Variants in CYTH4 observed in about 807,000 individuals in gnomAD.
The protein encoded by CYTH4 is cytohesin 4.
CYTH4 carries 22 observed loss-of-function variants against 57.5 expected under a neutral mutation model. The observed-to-expected ratio is 0.38, with a 90% CI of 0.27 to 0.55. The LOEUF is 0.55. CYTH4 is among the 20% of genes least tolerant of loss of function. CYTH4 has a pLI of 0.74. For missense variants in CYTH4, 420 were observed against 535.6 expected (o/e 0.78, Z 2.13); for synonymous variants, 186 against 206.5 (o/e 0.90, Z 0.85).
chr22:37,291,177 C>A (rs762667999), intron 1 of CYTH4, among the ~76,000 whole-genome samples: 10 of 152,078 alleles, frequency 6.6e-5, no homozygotes, highest in African/African-American at 2.2e-4. Flanking sequence ...TAACAGCAAC[C>A]GAAACATTCT....
At chr22:37,285,556 A>G (rs1272754404) in intron 1 of CYTH4, among the ~76,000 whole-genome samples, 1 of 151,904 alleles carries the variant, frequency 6.6e-6, no homozygotes, top group Non-Finnish European at 1.5e-5. Flanking sequence ...AAAATACAAA[A>G]AAAAATTAGC....
Position 37,292,617 on chromosome 22 carries a change from G to C in CYTH4, c.20-4G>C. On this transcript the variant is annotated splice_region_variant and splice_polypyrimidine_tract_variant and intron_variant, in intron 1 of 12. Transcript: ENST00000248901. ...GATGGGGAAGGCCGGTTGTCTCTCT[G>C]TAGAGCCCGCGGAGCTGAGCAGCGG... 1 of 1,613,696 alleles carries C rather than the reference G, an allele frequency of 6.2e-7. No homozygotes were observed.
intron 8 of CYTH4, among the ~76,000 whole-genome samples, chr22:37,306,445 C>A (rs1331775661): frequency 6.6e-6 from 1 of 152,192 alleles, no homozygotes; most frequent in Non-Finnish European, 1.5e-5. Context: ...GGACACTGAG[C>A]TCCATGAGAG....
intron 1 of CYTH4, among the ~76,000 whole-genome samples, chr22:37,290,660 C>A (rs922514299): frequency 6.6e-6 from 1 of 152,174 alleles, no homozygotes; most frequent in Non-Finnish European, 1.5e-5. Context: ...AGGTGCCCAC[C>A]ACCATGCCTG....
In CYTH4 at chr22:37,313,893, G is replaced by A. The variant is rs1056015677; in HGVS notation, c.*382G>A. 8.6e-5 allele frequency: 23 copies of A among 268,240 alleles called. 2 individuals are homozygous for A. The highest frequency in any genetic ancestry group is 4.8e-4 in the South Asian group (7 of 14,652). The allele number at this position is 268,240 out of a possible 1,614,324, so 16.6% of individuals were successfully genotyped here. A position where few individuals can be genotyped will look rare whatever the true frequency, so the allele number is the denominator to read the frequency against. The stretch of plus-strand genomic sequence containing the variant: ...CACTTAGATGCTGTCAGCCCTCAAC[G>A]TAGGAGGGGCCGTGGGGTCCCTAAG... On this transcript the variant is annotated 3_prime_UTR_variant, in exon 13 of 13. Transcript: ENST00000248901.
rs190113405 is a variant in CYTH4, at chr22:37,287,772, G to A, written c.20-4849G>A. 6.6e-5 allele frequency among the ~76,000 whole-genome samples: 10 copies of A among 152,348 alleles called. No individual in the cohort carries two copies. The East Asian group carries it at 1.5e-3, about 24-fold the overall frequency. On this transcript the variant is annotated intron_variant, in intron 1 of 12. Transcript: ENST00000248901. ...CCACTTCCTGTGAATGAGACCTGGG[G>A]CGAGTCACTTCGCCTTCCTAAGCCT... is the stretch of plus-strand genomic sequence containing the variant.
In CYTH4 at chr22:37,303,143, C is replaced by A. The variant is rs145579353; in HGVS notation, c.548-111C>A. ...GGCCTCAAAGCCCAAGCCAGGAGGA[C>A]AAGGTGGACCTTCGGGGCCTTGCAA... On this transcript the variant is annotated intron_variant, in intron 7 of 12. Coordinates refer to ENST00000248901, the MANE Select transcript of CYTH4 (RefSeq NM_013385.5). 843 of 1,452,410 alleles carry A rather than the reference C, an allele frequency of 5.8e-4. 3 individuals are homozygous for A. The African/African-American group carries it at 0.014, about 24-fold the overall frequency. 90.0% of individuals were successfully genotyped at this position (1,452,410 alleles called of 1,614,324 possible).
intron 3 of CYTH4, 38 bp downstream of exon 3, chr22:37,294,762 G>A (rs763491889): frequency 6.2e-7 from 1 of 1,611,806 alleles, no homozygotes; most frequent in Non-Finnish European, 8.5e-7. Flanking sequence ...AAACTGCCAT[G>A]GTTGCTTCCC....
chr22:37,299,172 G>A lies in CYTH4; in HGVS notation c.354-54G>A, dbSNP rs1323991504. On this transcript the variant is annotated intron_variant, in intron 5 of 12. Coordinates refer to ENST00000248901, the MANE Select transcript of CYTH4 (RefSeq NM_013385.5). ...CCACCTCAACCCCCTCCAGGAGGTG[G>A]GTGCCAGCAAGTATCCAAGTGTGTC... is the stretch of plus-strand genomic sequence containing the variant. 4.2e-6 allele frequency: 6 copies of A among 1,423,074 alleles called. No homozygotes were observed. The African/African-American group carries it at 8.6e-5, about 20-fold the overall frequency. The allele number at this position is 1,423,074 out of a possible 1,614,324, so 88.2% of individuals were successfully genotyped here.
chr22:37,290,152 C>A (rs1334272134), intron 1 of CYTH4, among the ~76,000 whole-genome samples: 2 of 152,140 alleles, frequency 1.3e-5, no homozygotes, highest in African/African-American at 2.4e-5. Flanking sequence ...ATCAAGCAGA[C>A]CCCTAGTGAG....
intron 12 of CYTH4, 147 bp from the exon 13 acceptor site, chr22:37,313,292 C>A (rs2145874036): frequency 2.7e-6 from 2 of 751,058 alleles, no homozygotes; most frequent in East Asian, 5.2e-5. Context: ...CCTGGCACAG[C>A]CTTTGTTGGG....
At chr22:37,286,895 G>A (rs996381667) in intron 1 of CYTH4, among the ~76,000 whole-genome samples, 4 of 152,148 alleles carry the variant, frequency 2.6e-5, no homozygotes, top group Admixed American at 6.5e-5. Flanking sequence ...GGAGGCATCC[G>A]AAAGCCCTGA....
intron 1 of CYTH4, among the ~76,000 whole-genome samples, chr22:37,287,714 G>A (rs1177990728): frequency 6.6e-6 from 1 of 152,148 alleles, no homozygotes; most frequent in Non-Finnish European, 1.5e-5. Flanking sequence ...GAGGCGTGGG[G>A]GTCAGCAAAC....
intron 4 of CYTH4, 104 bp from the exon 5 acceptor site, chr22:37,297,460 T>C: frequency 1.0e-6 from 1 of 996,922 alleles, no homozygotes; most frequent in Non-Finnish European, 1.5e-6. Flanking sequence ...AACACCAGAA[T>C]GCCAGGCTCC....
At chr22:37,301,162 C>A in intron 7 of CYTH4, 143 bp downstream of exon 7, 1 of 656,700 alleles carries the variant, frequency 1.5e-6, no homozygotes, top group Non-Finnish European at 2.6e-6. Flanking sequence ...TGAGCACTGA[C>A]TTCATTGCTG....
chr22:37,303,418 C>CCCA lies in CYTH4; in HGVS notation c.696+19_696+21dup, dbSNP rs1354528972. ...CCAGCTGCGGGTGAGAGAGGCGCAG[C>CCCA]CCACCCAGCCTGGCCCCGGGGAATC... On this transcript the variant is annotated intron_variant, in intron 8 of 12. Transcript: ENST00000248901. 1.2e-6 allele frequency: 2 copies of CCCA among 1,609,604 alleles called. No homozygotes were observed. The highest frequency in any genetic ancestry group is 2.7e-5 in the African/African-American group (2 of 74,746).
At position 37,309,202 on chromosome 22, in the gene CYTH4, C is replaced by T. The variant is rs771157166; in HGVS notation, c.697-10C>T. On this transcript the variant is annotated splice_polypyrimidine_tract_variant and intron_variant, in intron 8 of 12. Transcript: ENST00000248901. ...ACAGCCAGGTCTTTCTCTCCCTTGT[C>T]TTGGGGCAGAACCTCTTCGACAGCA... is the stretch of plus-strand genomic sequence containing the variant. The T allele has an allele frequency of 6.2e-7, 1 of 1,613,546 alleles. No individual in the cohort carries two copies. The highest frequency in any genetic ancestry group is 1.7e-5 in the Admixed American group (1 of 59,992).
At position 37,308,684 on chromosome 22, in the gene CYTH4, A is replaced by G. The variant is rs547320869; in HGVS notation, c.697-528A>G. On this transcript the variant is annotated intron_variant, in intron 8 of 12. Coordinates refer to ENST00000248901, the MANE Select transcript of CYTH4 (RefSeq NM_013385.5). ...TATGTGTGAGCGTGCTTGCATGTGT[A>G]AGTATGCATGTATGTGTGAGCATGC... Among the ~76,000 whole-genome samples, 3 of 146,470 alleles carry G rather than the reference A, an allele frequency of 2.0e-5. No homozygotes were observed. In the South Asian group the frequency reaches 6.8e-4, roughly 33 times the overall value.
At chr22:37,300,668 A>G (rs531517399) in intron 6 of CYTH4, among the ~76,000 whole-genome samples, 1 of 152,288 alleles carries the variant, frequency 6.6e-6, no homozygotes, top group African/African-American at 2.4e-5. Flanking sequence ...TGGGATTCAG[A>G]CCTGCAGAGC....
Sources: gnomAD v4.1 joint callset for allele counts (sites outside exome capture counted in the v4.1 genomes callset) on GRCh38, gnomAD v4.1.1 for gene constraint, MANE v1.5 for transcripts, NCBI Gene and HGNC (gene_info 2026-07-23, HGNC 2026-07-21) for gene names.